The following DPYD variants were observed in gnomAD, a reference collection of about 807,000 sequenced individuals.
DPYD encodes dihydropyrimidine dehydrogenase [NADP(+)].
DPYD carries 109 observed loss-of-function variants against 116.2 expected under a neutral mutation model. The ratio of observed to expected loss-of-function variants is 0.94; its 90% CI spans 0.80 to 1.10. The LOEUF is 1.10. Ranked by LOEUF, DPYD falls within the 50% of genes least tolerant of loss-of-function variation. The pLI, the probability that DPYD is intolerant of heterozygous loss-of-function variation, is 0.00. For synonymous variants in DPYD, 440 were observed against 432.0 expected (o/e 1.02, Z -0.23); for missense variants, 1,302 against 1,254.5 (o/e 1.04, Z -0.57).
rs1460009349 is a variant in DPYD, at chr1:97,149,567, T to C, written c.2622+43502A>G. Among the ~76,000 whole-genome samples, 7 of 152,196 alleles carry C rather than the reference T, an allele frequency of 4.6e-5. 1 individual carries two copies. Among genetic ancestry groups the C allele is most frequent in the Non-Finnish European group, 1.0e-4 (7 of 68,020 alleles). ...CGCGTCCAGCTGATAACTTTTGTCT[T>C]TCTCCAGTGTCATTATCCTAGTTTA... On this transcript the variant is annotated intron_variant, in intron 20 of 22. Transcript: ENST00000370192.
chr1:97,338,608 G>A (rs1394485703), intron 16 of DPYD, among the ~76,000 whole-genome samples: 1 of 152,140 alleles, frequency 6.6e-6, no homozygotes, highest in Non-Finnish European at 1.5e-5. Flanking sequence ...GCAATAGGTA[G>A]GACAAAATGC....
At chr1:97,901,610 C>T (rs750732990) in intron 1 of DPYD, among the ~76,000 whole-genome samples, 5 of 151,556 alleles carry the variant, frequency 3.3e-5, no homozygotes, top group Non-Finnish European at 7.4e-5. Flanking sequence ...ATAGTATGCA[C>T]AGAAAATAAA....
intron 19 of DPYD, among the ~76,000 whole-genome samples, chr1:97,195,198 A>G (rs939708122): frequency 6.6e-6 from 1 of 152,070 alleles, no homozygotes; most frequent in African/African-American, 2.4e-5. Context: ...AACCATTAAA[A>G]CAAAACTGAG....
intron 21 of DPYD, among the ~76,000 whole-genome samples, chr1:97,086,240 G>GC (rs1649505573): frequency 6.6e-6 from 1 of 151,976 alleles, no homozygotes; most frequent in Non-Finnish European, 1.5e-5. Context: ...TTTTAGTAGA[G>GC]CCGGGTTTCA....
intron 7 of DPYD, among the ~76,000 whole-genome samples, chr1:97,690,950 T>C (rs549002315): frequency 1.3e-5 from 2 of 152,244 alleles, no homozygotes; most frequent in Non-Finnish European, 2.9e-5. Context: ...AAGGTATGAG[T>C]AGTTTGTTAA....
chr1:97,711,210 G>A (rs1318816958), intron 5 of DPYD, among the ~76,000 whole-genome samples: 3 of 151,726 alleles, frequency 2.0e-5, no homozygotes, highest in Admixed American at 2.0e-4. Context: ...AGGTTATATT[G>A]GATATTTGAT....
intron 1 of DPYD, among the ~76,000 whole-genome samples, chr1:97,887,191 C>T (rs1279151198): frequency 1.3e-5 from 2 of 151,782 alleles, no homozygotes; most frequent in East Asian, 3.9e-4. Flanking sequence ...ATAGTATATC[C>T]AGGCCAGGCA....
intron 16 of DPYD, chr1:97,322,890 CTTG>C (rs1306501185): frequency 6.6e-6 from 1 of 151,910 alleles, no homozygotes; most frequent in Non-Finnish European, 1.5e-5. Context: ...CTCCTGTTTT[CTTG>C]TTGTTACTTT....
At chr1:97,312,449 G>A (rs1458046778) in intron 16 of DPYD, among the ~76,000 whole-genome samples, 1 of 151,768 alleles carries the variant, frequency 6.6e-6, no homozygotes, top group Admixed American at 6.6e-5. Flanking sequence ...TTCAAAATAT[G>A]TGTACAAAGA....
intron 2 of DPYD, among the ~76,000 whole-genome samples, chr1:97,836,078 T>C (rs1171715611): frequency 6.6e-6 from 1 of 152,160 alleles, no homozygotes; most frequent in Non-Finnish European, 1.5e-5. Context: ...TCCCTTGTCC[T>C]TGATGGAGTT....
chr1:97,148,045 A>G (rs1447018262), intron 20 of DPYD, among the ~76,000 whole-genome samples: 2 of 149,834 alleles, frequency 1.3e-5, no homozygotes, highest in Non-Finnish European at 3.0e-5. Flanking sequence ...CGGGAGATAT[A>G]AGCTAGAAAC....
At chr1:97,904,092 T>C (rs550673572) in intron 1 of DPYD, among the ~76,000 whole-genome samples, 1 of 152,026 alleles carries the variant, frequency 6.6e-6, no homozygotes, top group South Asian at 2.1e-4. Context: ...CACATCAGGA[T>C]GTCCCTTCTC....
intron 2 of DPYD, among the ~76,000 whole-genome samples, chr1:97,839,498 TTGTG>T (rs546028617): frequency 6.7e-6 from 1 of 150,026 alleles, no homozygotes. Flanking sequence ...CAGCAATTCT[TTGTG>T]TGTGTGTGTG....
At chr1:97,620,051 AC>A (rs1190219614) in intron 8 of DPYD, among the ~76,000 whole-genome samples, 2 of 151,234 alleles carry the variant, frequency 1.3e-5, no homozygotes, top group Non-Finnish European at 2.9e-5. Flanking sequence ...AAAAAAAAAA[AC>A]ATAGGCACTT....
At chr1:97,712,093 G>C (rs1021588582) in intron 5 of DPYD, among the ~76,000 whole-genome samples, 37 of 151,926 alleles carry the variant, frequency 2.4e-4, no homozygotes, top group African/African-American at 8.0e-4. Flanking sequence ...TCTAGGTGAA[G>C]ACCTTTCATC....
chr1:97,459,118 C>CA (rs1369139137), intron 13 of DPYD, among the ~76,000 whole-genome samples: 1 of 151,658 alleles, frequency 6.6e-6, no homozygotes, highest in Admixed American at 6.6e-5. Context: ...ATGAGAAACT[C>CA]AAAGTTTATC....
chr1:97,698,958 T>C (rs1477103525), intron 6 of DPYD, among the ~76,000 whole-genome samples: 5 of 152,040 alleles, frequency 3.3e-5, no homozygotes, highest in Non-Finnish European at 7.4e-5. Flanking sequence ...CATATCTATG[T>C]AGACAACACA....
At chr1:97,101,453 T>C (rs989860810) in intron 20 of DPYD, among the ~76,000 whole-genome samples, 2 of 130,868 alleles carry the variant, frequency 1.5e-5, no homozygotes, top group African/African-American at 5.9e-5. Context: ...AGGCATACAT[T>C]TGTGTTTTGA....
intron 2 of DPYD, among the ~76,000 whole-genome samples, chr1:97,881,736 A>G (rs975395620): frequency 1.3e-5 from 2 of 152,006 alleles, no homozygotes; most frequent in African/African-American, 4.8e-5. Flanking sequence ...AATGCGAGAC[A>G]TTAGGGAAGT....
Sources: gnomAD v4.1 joint callset for allele counts (sites outside exome capture counted in the v4.1 genomes callset) on GRCh38, gnomAD v4.1.1 for gene constraint, MANE v1.5 for transcripts, NCBI Gene and HGNC (gene_info 2026-07-23, HGNC 2026-07-21) for gene names.